The following UPF3A variants were observed in gnomAD, a reference collection of about 807,000 sequenced individuals.
UPF3A encodes UPF3A regulator of nonsense mediated mRNA decay.
In UPF3A, 42 loss-of-function variants were observed where a neutral mutation model predicts 53.5. That is an observed-to-expected ratio of 0.78 (90% CI 0.61 to 1.01). The LOEUF (loss-of-function observed/expected upper bound fraction) is 1.01, where lower values mean the gene tolerates loss of function less well. UPF3A is among the 50% of genes least tolerant of loss of function. The pLI is 0.00. For missense variants in UPF3A, 575 were observed against 598.0 expected, an observed-to-expected ratio of 0.96 and a Z score of 0.40; for synonymous variants, 237 against 225.3, an observed-to-expected ratio of 1.05 and a Z score of -0.47.
In UPF3A at chr13:114,281,703, G is replaced by T; in HGVS notation, c.64G>T (p.Gly22Trp). The change falls in exon 1 of 10, where the codon GGG becomes TGG. Residue 22 changes from glycine to tryptophan, a missense_variant. By Grantham distance (184) the Gly-to-Trp change is radical. Coordinates refer to ENST00000375299, the MANE Select transcript of UPF3A (RefSeq NM_023011.4). ...RAAVAARGPS[G>W]REKLSALEVQ... ...GGCCGTTGCCGCGCGGGGCCCGAGC[G>T]GGAGGGAGAAGCTGTCGGCCCTAGA... 1 of 1,546,496 alleles carries T rather than the reference G, an allele frequency of 6.5e-7. No individual in the cohort carries two copies.
At position 114,283,921 on chromosome 13, in the gene UPF3A, A is replaced by G. The variant is rs945974212; in HGVS notation, c.421+978A>G. The G allele has an allele frequency of 1.6e-4, 154 of 985,154 alleles. No homozygotes were observed. In the Admixed American group the frequency reaches 6.8e-3, roughly 44 times the overall value. The allele number at this position is 985,154 out of a possible 1,614,324, so 61.0% of individuals were successfully genotyped here. ...CTGATGAGTGTTTTCTTTTTCTCCA[A>G]TGAGGGGTAAGGACTAGAAAGATTG... On this transcript the variant is annotated intron_variant, in intron 3 of 9. Transcript: ENST00000375299.
intron 8 of UPF3A, among the ~76,000 whole-genome samples, chr13:114,299,831 A>T (rs1036562805): frequency 1.2e-4 from 18 of 152,236 alleles, no homozygotes; most frequent in Non-Finnish European, 1.9e-4. Flanking sequence ...CACTTGGCCC[A>T]CAGGGGATGA....
At chr13:114,290,859 G>A (rs1594783827) in intron 5 of UPF3A, among the ~76,000 whole-genome samples, 1 of 150,964 alleles carries the variant, frequency 6.6e-6, no homozygotes, top group Non-Finnish European at 1.5e-5. Context: ...TCAGCCTCCC[G>A]AGTAGCTGGG....
At chr13:114,288,742 G>T (rs1226248444) in intron 5 of UPF3A, among the ~76,000 whole-genome samples, 1 of 152,176 alleles carries the variant, frequency 6.6e-6, no homozygotes. Context: ...GAGGTAAGGG[G>T]ACAGGAAGAA....
chr13:114,294,962 A>G (rs1315107386), intron 7 of UPF3A, among the ~76,000 whole-genome samples: 2 of 151,332 alleles, frequency 1.3e-5, no homozygotes, highest in Non-Finnish European at 2.9e-5. Flanking sequence ...AATACAAAAA[A>G]TTAGCTGGGC....
chr13:114,296,639 T>C (rs1166049043), intron 7 of UPF3A, among the ~76,000 whole-genome samples: 1 of 152,140 alleles, frequency 6.6e-6, no homozygotes, highest in African/African-American at 2.4e-5. Context: ...CCTGAATTTA[T>C]TGCTGACTGG....
chr13:114,300,271 T>G (rs1022759727), intron 8 of UPF3A, among the ~76,000 whole-genome samples: 2 of 152,240 alleles, frequency 1.3e-5, no homozygotes, highest in African/African-American at 4.8e-5. Flanking sequence ...TCATGATGGA[T>G]GTGCACCTGG....
intron 7 of UPF3A, among the ~76,000 whole-genome samples, chr13:114,296,697 G>T (rs1032362522): frequency 6.6e-6 from 1 of 152,144 alleles, no homozygotes; most frequent in African/African-American, 2.4e-5. Flanking sequence ...CGTCTGAAAG[G>T]GGGGCAGTCT....
At position 114,296,800 on chromosome 13, in the gene UPF3A, C is replaced by T. The variant is rs143216755; in HGVS notation, c.847-2040C>T. ...TGAATGTGGAGCACGCAGCTGGTGT[C>T]GGAGGGGTGGTATTGAAAAAGACGT... On this transcript the variant is annotated intron_variant, in intron 7 of 9. Transcript: ENST00000375299. Among the ~76,000 whole-genome samples, 183 of 152,038 alleles carry T rather than the reference C, an allele frequency of 1.2e-3. 3 individuals carry two copies. The East Asian group carries it at 0.027, about 23-fold the overall frequency.
chr13:114,281,643 C>A lies in UPF3A; in HGVS notation c.4C>A (p.Arg2Ser). M[R>S]SEKEGAGGLR... ...GCGGCTCGGCGGAGAGTGCGGCATGCGCTCGGAAAAGGAGGGGGCCGGAGG... is the reference window on the plus strand; with the variant it reads ...GCGGCTCGGCGGAGAGTGCGGCATGAGCTCGGAAAAGGAGGGGGCCGGAGG... The change falls in exon 1 of 10, where the codon CGC becomes AGC. Residue 2 changes from arginine to serine, a missense_variant. By Grantham distance (110) the Arg-to-Ser change is moderately radical. This residue lies in a region of UPF3A where 252 missense variants were observed against 182.7 expected (regional missense o/e 1.38). Coordinates refer to ENST00000375299, the MANE Select transcript of UPF3A (RefSeq NM_023011.4). 1 of 1,472,162 alleles carries A rather than the reference C, an allele frequency of 6.8e-7. No individual in the cohort carries two copies. The highest frequency in any genetic ancestry group is 1.3e-5 in the South Asian group (1 of 77,642). 91.2% of individuals were successfully genotyped at this position (1,472,162 alleles called of 1,614,324 possible). A position where few individuals can be genotyped will look rare whatever the true frequency, so the allele number is the denominator to read the frequency against.
chr13:114,296,493 C>G (rs1441348821), intron 7 of UPF3A, among the ~76,000 whole-genome samples: 1 of 152,166 alleles, frequency 6.6e-6, no homozygotes, highest in Admixed American at 6.5e-5. Flanking sequence ...CCATACCCAC[C>G]TTGTGCATTT....
intron 7 of UPF3A, among the ~76,000 whole-genome samples, chr13:114,295,742 C>G (rs931033461): frequency 6.6e-6 from 1 of 152,202 alleles, no homozygotes; most frequent in South Asian, 2.1e-4. Context: ...GGTGGTGCAT[C>G]AGGCGCAAGT....
chr13:114,296,390 T>A (rs2086024773), intron 7 of UPF3A, among the ~76,000 whole-genome samples: 1 of 151,318 alleles, frequency 6.6e-6, no homozygotes, highest in Non-Finnish European at 1.5e-5. Context: ...TCAAAAAAAA[T>A]AAAAAAAATA....
At position 114,291,740 on chromosome 13, in the gene UPF3A, A is replaced by G; in HGVS notation, c.794A>G (p.Lys265Arg). ...RRRREEERCK[K>R]KETDKQKKIA... ...AGAAGAGAAGAAGAAAGATGCAAAA[A>G]AAAAGAGACAGATAAACAGAAGAAA... The change falls in exon 7 of 10, where the codon AAA becomes AGA. Residue 265 changes from lysine (K) to arginine (R), a missense_variant. Coordinates refer to ENST00000375299, the MANE Select transcript of UPF3A (RefSeq NM_023011.4). 6.3e-7 allele frequency: 1 copy of G among 1,598,906 alleles called. No individual in the cohort carries two copies. Among genetic ancestry groups the G allele is most frequent in the Non-Finnish European group, 8.5e-7 (1 of 1,170,448 alleles).
At chr13:114,299,652 GC>G (rs2086407471) in intron 8 of UPF3A, among the ~76,000 whole-genome samples, 1 of 152,248 alleles carries the variant, frequency 6.6e-6, no homozygotes, top group African/African-American at 2.4e-5. Flanking sequence ...AGCATTATCT[GC>G]CCGGTGGGCC....
intron 7 of UPF3A, among the ~76,000 whole-genome samples, chr13:114,295,483 G>A (rs78729630): frequency 1.1e-3 from 162 of 151,884 alleles, no homozygotes; most frequent in Middle Eastern, 3.4e-3. Context: ...TCAGGACTCC[G>A]CACGTTTCCC....
rs775581292 is a variant in UPF3A, at chr13:114,282,912, T to C, written c.390T>C (p.Arg130=). The part of the protein sequence containing the change: ...NPDDILLFRD[R]FDGYIFLDSK... ...ATGACATCCTTCTTTTTAGAGATCG[T>C]TTTGATGGATATATCTTCCTTGACA... Residue 130 remains arginine, a synonymous_variant, in exon 3 of 10, where the codon CGT becomes CGC. Coordinates refer to ENST00000375299, the MANE Select transcript of UPF3A (RefSeq NM_023011.4). The C allele has an allele frequency of 1.2e-6, 2 of 1,611,682 alleles. No homozygotes were observed. Among genetic ancestry groups the C allele is most frequent in the Non-Finnish European group, 1.7e-6 (2 of 1,178,312 alleles).
At chr13:114,299,207 G>A (rs28539632) in intron 8 of UPF3A, among the ~76,000 whole-genome samples, 8,319 of 152,208 alleles carry the variant, frequency 0.055, 288 homozygotes, top group Middle Eastern at 0.095. Flanking sequence ...TCTTCAGATC[G>A]GGAGTTTCTT....
chr13:114,305,746 A>G lies in UPF3A; in HGVS notation c.*829A>G, dbSNP rs1307191410. ...TTCTTCCTTTCAGTGAAATTGCTAA[A>G]TGTCAATGTATTTTTGGCACTGCGA... On this transcript the variant is annotated 3_prime_UTR_variant, in exon 10 of 10. Transcript: ENST00000375299. 6.6e-6 allele frequency: 1 copy of G among 152,182 alleles called. No homozygotes were observed. The highest frequency in any genetic ancestry group is 1.9e-4 in the East Asian group (1 of 5,196). The allele number at this position is 152,182 out of a possible 1,614,324, so 9.4% of individuals were successfully genotyped here.
Sources: gnomAD v4.1 joint callset for allele counts (sites outside exome capture counted in the v4.1 genomes callset) on GRCh38, gnomAD v4.1.1 for gene constraint, gnomAD v4.1.1 regional missense constraint, MANE v1.5 for transcripts, NCBI Gene and HGNC (gene_info 2026-07-23, HGNC 2026-07-21) for gene names.